FRMD4B: variants seen among roughly 807,000 people sequenced by gnomAD.
FRMD4B encodes FERM domain containing 4B, also known as FERM domain-containing protein 4B.
In FRMD4B, 74 loss-of-function variants were observed where a neutral mutation model predicts 141.5. That is an observed-to-expected ratio of 0.52 (90% CI 0.43 to 0.63). FRMD4B has a LOEUF of 0.63. FRMD4B is among the 30% of genes least tolerant of loss of function. The pLI is 0.00. For synonymous variants in FRMD4B, 506 were observed against 467.9 expected (o/e 1.08, Z -1.05); for missense variants, 1,366 against 1,253.4 (o/e 1.09, Z -1.36).
Position 69,276,067 on chromosome 3 carries a change from T to C in FRMD4B, c.501+11685A>G, listed in dbSNP as rs2093616656. ...TAGCTAAGGAAGGCTAGCCTATTCT[T>C]GTCAATGGCTGTACAATATCCTATC... On this transcript the variant is annotated intron_variant, in intron 5 of 22. Coordinates refer to ENST00000398540, the MANE Select transcript of FRMD4B (RefSeq NM_015123.3). Among the ~76,000 whole-genome samples, 4 of 152,218 alleles carry C rather than the reference T, an allele frequency of 2.6e-5. No individual in the cohort carries two copies. The South Asian group carries it at 8.3e-4, about 31-fold the overall frequency.
At chr3:69,198,211 G>A (rs6782057) in intron 12 of FRMD4B, 117,650 of 146,196 alleles carry the variant, frequency 0.8, 50,077 homozygotes, top group Non-Finnish European at 0.95. Context: ...TGGTAATTTG[G>A]CTTTTTTTTT....
intron 1 of FRMD4B, chr3:69,471,946 G>T (rs903402511): frequency 1.3e-5 from 2 of 155,542 alleles, no homozygotes; most frequent in African/African-American, 2.4e-5. Context: ...GATTCCTTTG[G>T]GGGCTCTATT....
At chr3:69,234,327 A>G (rs905238905) in intron 7 of FRMD4B, among the ~76,000 whole-genome samples, 3 of 152,000 alleles carry the variant, frequency 2.0e-5, no homozygotes, top group Non-Finnish European at 2.9e-5. Context: ...AAACCATTTG[A>G]GCTGGATCTT....
At position 69,343,577 on chromosome 3, in the gene FRMD4B, G is replaced by GT. The variant is rs66705405; in HGVS notation, c.163-30061dup. Among the ~76,000 whole-genome samples the GT allele has an allele frequency of 9.9e-3, 1,253 of 126,514 alleles. 30 individuals are homozygous for GT. The highest frequency in any genetic ancestry group is 0.029 in the African/African-American group (967 of 33,160). The allele number at this position is 126,514 out of a possible 152,430, so 83.0% of individuals were successfully genotyped here. On this transcript the variant is annotated intron_variant, in intron 1 of 22. Coordinates refer to ENST00000398540, the MANE Select transcript of FRMD4B (RefSeq NM_015123.3). ...AGCCATTTTGTCTTAACAGTTTTTT[G>GT]TTTTTTTTTTTTTTTTTTTTTAGAC... is the stretch of plus-strand genomic sequence containing the variant.
intron 1 of FRMD4B, among the ~76,000 whole-genome samples, chr3:69,436,215 T>A (rs541195606): frequency 6.6e-6 from 1 of 152,320 alleles, no homozygotes; most frequent in Non-Finnish European, 1.5e-5. Flanking sequence ...TCTCTAATGA[T>A]AAATATCTAA....
chr3:69,412,287 G>C (rs1463526583), intron 2 of FRMD4B, among the ~76,000 whole-genome samples: 1 of 152,188 alleles, frequency 6.6e-6, no homozygotes, highest in Non-Finnish European at 1.5e-5. Context: ...AATTAGAATA[G>C]AAGAAAGATA....
upstream of FRMD4B, chr3:69,386,111 C>A: frequency 1.1e-6 from 1 of 899,332 alleles, no homozygotes; most frequent in Non-Finnish European, 1.6e-6. Flanking sequence ...GTCAAGCCTG[C>A]CACCAAACTC....
chr3:69,350,744 T>A (rs61603993), intron 1 of FRMD4B, among the ~76,000 whole-genome samples: 7,420 of 149,112 alleles, frequency 0.05, 621 homozygotes, highest in African/African-American at 0.17. Flanking sequence ...AAACACTGCA[T>A]GTTCTCACTC....
chr3:69,492,652 C>T (rs1706318429), intron 1 of FRMD4B, among the ~76,000 whole-genome samples: 1 of 152,142 alleles, frequency 6.6e-6, no homozygotes, highest in Admixed American at 6.5e-5. Context: ...ACCACTTATC[C>T]CTAATTTACC....
rs3032132 is a variant in FRMD4B, at chr3:69,393,329, CAA to C, written c.-1+39303_-1+39304del. 1.2e-3 allele frequency among the ~76,000 whole-genome samples: 156 copies of C among 126,158 alleles called. 1 individual carries two copies. The highest frequency in any genetic ancestry group is 4.2e-3 in the African/African-American group (138 of 33,200). The allele number at this position is 126,158 out of a possible 152,430, so 82.8% of individuals were successfully genotyped here. A position where few individuals can be genotyped will look rare whatever the true frequency, so the allele number is the denominator to read the frequency against. ...GCTATCTATATTGTCTGAAGAAGTA[CAA>C]AAAAAAAAAAAAAAGAGCGTCATGG... On this transcript the variant is annotated intron_variant, in intron 2 of 5. Coordinates refer to the FRMD4B transcript ENST00000459638.
rs764827300 is a variant in FRMD4B, at chr3:69,181,555, TAAG to T, written c.2192_2194del (p.Ser731del). On this transcript the variant is annotated inframe_deletion, in exon 21 of 23. Transcript: ENST00000398540. Reference sequence around the variant, plus strand: ...ATACTCTGTGCTTGATTGGCTTGTATAAGAAGACCCGTCATCGAGGATTTCTGT... The same window carrying T: ...ATACTCTGTGCTTGATTGGCTTGTATAAGACCCGTCATCGAGGATTTCTGT... 4 of 1,613,952 alleles carry T rather than the reference TAAG, an allele frequency of 2.5e-6. No individual in the cohort carries two copies. The highest frequency in any genetic ancestry group is 3.4e-6 in the Non-Finnish European group (4 of 1,179,864).
chr3:69,407,140 T>G (rs1003148466), intron 2 of FRMD4B, among the ~76,000 whole-genome samples: 1 of 152,062 alleles, frequency 6.6e-6, no homozygotes, highest in African/African-American at 2.4e-5. Flanking sequence ...GGGGTGAGGG[T>G]GGCGTGGTTT....
At chr3:69,260,719 G>GCTT (rs2093521583) in intron 5 of FRMD4B, among the ~76,000 whole-genome samples, 1 of 152,260 alleles carries the variant, frequency 6.6e-6, no homozygotes, top group Non-Finnish European at 1.5e-5. Flanking sequence ...GGGCCCCTGA[G>GCTT]TTAAGTAGGA....
intron 2 of FRMD4B, among the ~76,000 whole-genome samples, chr3:69,404,387 A>C (rs563251736): frequency 8.5e-5 from 13 of 152,236 alleles, no homozygotes; most frequent in Non-Finnish European, 1.3e-4. Flanking sequence ...TAAGGATAGA[A>C]AATGTAACTC....
rs569812308 is a variant in FRMD4B, at chr3:69,481,056, C to T, written c.-128-48295G>A. On this transcript the variant is annotated intron_variant, in intron 1 of 5. Transcript: ENST00000459638. ...CTCCTGGTGCGCCGTTTTTTAAGCCCGTCGGAAAAGCCCAGTGTTAGGGTA... is the reference window on the plus strand; with the variant it reads ...CTCCTGGTGCGCCGTTTTTTAAGCCTGTCGGAAAAGCCCAGTGTTAGGGTA... 3.9e-5 allele frequency among the ~76,000 whole-genome samples: 6 copies of T among 152,272 alleles called. No homozygotes were observed. In the South Asian group the frequency reaches 6.2e-4, roughly 16 times the overall value.
At chr3:69,276,571 T>C (rs2093618827) in intron 5 of FRMD4B, among the ~76,000 whole-genome samples, 1 of 152,162 alleles carries the variant, frequency 6.6e-6, no homozygotes, top group African/African-American at 2.4e-5. Context: ...TACCCTTCAT[T>C]TTAATGGAAA....
At chr3:69,187,610 A>G (rs1460386111) in intron 19 of FRMD4B, among the ~76,000 whole-genome samples, 160 bp downstream of exon 19, 1 of 150,024 alleles carries the variant, frequency 6.7e-6, no homozygotes, top group Admixed American at 6.7e-5. Flanking sequence ...TTTGCTGTGA[A>G]CAACAAACTG....
chr3:69,508,524 A>C (rs1237680728), intron 1 of FRMD4B, among the ~76,000 whole-genome samples: 1 of 152,224 alleles, frequency 6.6e-6, no homozygotes. Flanking sequence ...GAAAGAAAGC[A>C]TCCTCCTAGC....
chr3:69,456,570 T>C (rs770874296), intron 1 of FRMD4B, among the ~76,000 whole-genome samples: 1 of 152,146 alleles, frequency 6.6e-6, no homozygotes, highest in Non-Finnish European at 1.5e-5. Flanking sequence ...TCAGAGCACT[T>C]ACTATGTTAA....
Sources: gnomAD v4.1 joint callset for allele counts (sites outside exome capture counted in the v4.1 genomes callset) on GRCh38, gnomAD v4.1.1 for gene constraint, MANE v1.5 for transcripts, NCBI Gene and HGNC (gene_info 2026-07-23, HGNC 2026-07-21) for gene names.